The following PRIMPOL variants were observed in gnomAD, a reference collection of about 807,000 sequenced individuals.
The protein encoded by PRIMPOL is primase and DNA directed polymerase, also known as DNA-directed primase/polymerase protein.
PRIMPOL carries 54 observed loss-of-function variants against 63.6 expected under a neutral mutation model. The ratio of observed to expected loss-of-function variants is 0.85; its 90% CI spans 0.68 to 1.07. The LOEUF is 1.07. Among genes scored for constraint, PRIMPOL ranks in the 50% least tolerant of loss-of-function variants. The pLI is 0.00. For missense variants in PRIMPOL, 610 were observed against 648.3 expected, an observed-to-expected ratio of 0.94 and a Z score of 0.64; for synonymous variants, 197 against 220.2, an observed-to-expected ratio of 0.89 and a Z score of 0.93.
At chr4:184,672,122 AT>A (rs1325751601) in intron 6 of PRIMPOL, 50 bp from the exon 7 acceptor site, 1 of 1,456,000 alleles carries the variant, frequency 6.9e-7, no homozygotes, top group Non-Finnish European at 9.4e-7. Context: ...AGACCTTAAG[AT>A]GCGGTGTGTG....
At chr4:184,663,324 C>A (rs1340595282) in intron 5 of PRIMPOL, among the ~76,000 whole-genome samples, 1 of 152,058 alleles carries the variant, frequency 6.6e-6, no homozygotes, top group African/African-American at 2.4e-5. Flanking sequence ...GGATTATAGG[C>A]GCGAGCCATT....
intron 11 of PRIMPOL, among the ~76,000 whole-genome samples, chr4:184,689,071 G>A (rs1022814602): frequency 6.6e-6 from 1 of 151,916 alleles, no homozygotes; most frequent in African/African-American, 2.4e-5. Context: ...TTGAGACAGG[G>A]TCTCGCCCTG....
chr4:184,668,641 A>G (rs1750729514), intron 6 of PRIMPOL, among the ~76,000 whole-genome samples: 1 of 152,124 alleles, frequency 6.6e-6, no homozygotes, highest in South Asian at 2.1e-4. Flanking sequence ...AAGCTATGTG[A>G]GAAGCTGTTT....
chr4:184,675,212 A>C (rs773219264), intron 7 of PRIMPOL, among the ~76,000 whole-genome samples: 2 of 152,202 alleles, frequency 1.3e-5, no homozygotes, highest in Non-Finnish European at 2.9e-5. Flanking sequence ...GGTTAATCTT[A>C]TGCAGTTATG....
rs1465486515 is a variant in PRIMPOL, at chr4:184,691,608, A to T, written c.1378+27A>T. On this transcript the variant is annotated intron_variant, in intron 12 of 13. Coordinates refer to ENST00000314970, the MANE Select transcript of PRIMPOL (RefSeq NM_152683.4). ...TAAGTTACTAATTTTTACATTTACC[A>T]CAAAGTAAAAATTAGATAACTGTAA... 2.5e-6 allele frequency: 4 copies of T among 1,598,154 alleles called. No homozygotes were observed. In the South Asian group the frequency reaches 4.4e-5, roughly 18 times the overall value.
intron 11 of PRIMPOL, among the ~76,000 whole-genome samples, chr4:184,686,173 G>A (rs187749993): frequency 7.4e-4 from 113 of 152,252 alleles, no homozygotes; most frequent in South Asian, 6.2e-4. Flanking sequence ...TGATTATTGC[G>A]TTGCTTCTAG....
chr4:184,667,341 C>T (rs1032903156), intron 6 of PRIMPOL, among the ~76,000 whole-genome samples: 37 of 151,874 alleles, frequency 2.4e-4, no homozygotes, highest in African/African-American at 6.1e-4. Flanking sequence ...GACAGAGTCT[C>T]GCTCTGTCGC....
chr4:184,660,528 A>C (rs1307435835), intron 4 of PRIMPOL, among the ~76,000 whole-genome samples: 1 of 152,206 alleles, frequency 6.6e-6, no homozygotes, highest in Non-Finnish European at 1.5e-5. Flanking sequence ...AAAGGAGAGT[A>C]AATTGTTAGC....
At chr4:184,667,231 G>T (rs899624720) in intron 6 of PRIMPOL, among the ~76,000 whole-genome samples, 5 of 152,116 alleles carry the variant, frequency 3.3e-5, no homozygotes, top group African/African-American at 4.8e-5. Flanking sequence ...TTCCTTCTCA[G>T]TCTCTCTCCC....
At chr4:184,679,909 T>C (rs540865020) in intron 8 of PRIMPOL, among the ~76,000 whole-genome samples, 1 of 152,202 alleles carries the variant, frequency 6.6e-6, no homozygotes, top group African/African-American at 2.4e-5. Flanking sequence ...CATGGAAAGA[T>C]TGTCTTCCAG....
Position 184,665,946 on chromosome 4 carries a change from C to T in PRIMPOL, c.438C>T (p.Tyr146=), listed in dbSNP as rs201667994. Residue 146 remains tyrosine, a synonymous_variant, in exon 6 of 14, where the codon TAC becomes TAT. Coordinates refer to ENST00000314970, the MANE Select transcript of PRIMPOL (RefSeq NM_152683.4). The part of the protein sequence containing the change: ...EYVCKALQEL[Y]GVNCSAEDVL... ...TGTGTAAAGCACTTCAAGAGTTATA[C>T]GGTGTTAATTGCTCAGCTGAAGATG... 5.1e-5 allele frequency: 81 copies of T among 1,603,614 alleles called. No individual in the cohort carries two copies. The highest frequency in any genetic ancestry group is 1.7e-4 in the South Asian group (15 of 89,496).
intron 2 of PRIMPOL, among the ~76,000 whole-genome samples, chr4:184,652,513 G>A (rs1276658766): frequency 6.6e-6 from 1 of 152,060 alleles, no homozygotes; most frequent in Non-Finnish European, 1.5e-5. Flanking sequence ...AAGGCAAAGT[G>A]ACTGAAGTGG....
Position 184,650,431 on chromosome 4 carries a change from G to A in PRIMPOL, c.-138+523G>A, listed in dbSNP as rs150580239. ...TCTTTTATAGTCACAGAGTCCTGTG[G>A]TGAGAACTGGTAATGGAAGAGAGTG... On this transcript the variant is annotated intron_variant, in intron 1 of 13. Transcript: ENST00000314970. Among the ~76,000 whole-genome samples the A allele has an allele frequency of 1.8e-3, 269 of 152,348 alleles. 4 individuals carry two copies. The East Asian group carries it at 0.027, about 15-fold the overall frequency.
Position 184,694,491 on chromosome 4 carries a change from C to T in PRIMPOL, c.1426-31C>T, listed in dbSNP as rs546675802. The T allele has an allele frequency of 6.9e-6, 11 of 1,595,874 alleles. No homozygotes were observed. The African/African-American group carries it at 9.4e-5, about 14-fold the overall frequency. On this transcript the variant is annotated intron_variant, in intron 13 of 13. Coordinates refer to ENST00000314970, the MANE Select transcript of PRIMPOL (RefSeq NM_152683.4). ...ATCCTGAGTAAATATTTTCCTATCC[C>T]ACTCTCTATCCCTTCACCACTGAAA...
At chr4:184,675,020 G>A (rs565289424) in intron 7 of PRIMPOL, among the ~76,000 whole-genome samples, 2 of 152,278 alleles carry the variant, frequency 1.3e-5, no homozygotes, top group Non-Finnish European at 2.9e-5. Flanking sequence ...CACTAAACAC[G>A]ATGAAAAATA....
intron 11 of PRIMPOL, among the ~76,000 whole-genome samples, chr4:184,689,736 G>A (rs553959663): frequency 6.6e-5 from 10 of 151,976 alleles, no homozygotes; most frequent in African/African-American, 2.2e-4. Flanking sequence ...TTACAGGCGC[G>A]AGCCACCATG....
chr4:184,664,069 A>G (rs1749131071), intron 5 of PRIMPOL, among the ~76,000 whole-genome samples: 1 of 152,210 alleles, frequency 6.6e-6, no homozygotes, highest in South Asian at 2.1e-4. Flanking sequence ...ATTTCAGGGC[A>G]ACATTGTCCA....
chr4:184,672,825 C>T (rs1432027717), intron 7 of PRIMPOL, among the ~76,000 whole-genome samples: 1 of 152,150 alleles, frequency 6.6e-6, no homozygotes, highest in Admixed American at 6.5e-5. Flanking sequence ...AAAAGCAGTA[C>T]TCGTGTGGCG....
Position 184,691,521 on chromosome 4 carries a change from GAA to G in PRIMPOL, c.1319_1320del (p.Glu440GlyfsTer8). 6.3e-7 allele frequency: 1 copy of G among 1,585,708 alleles called. No homozygotes were observed. Among genetic ancestry groups the G allele is most frequent in the East Asian group, 2.2e-5 (1 of 44,596 alleles). On this transcript the variant is annotated frameshift_variant, in exon 12 of 14. Coordinates refer to ENST00000314970, the MANE Select transcript of PRIMPOL (RefSeq NM_152683.4). LOFTEE classifies it high-confidence loss of function. ...AAGGATTCTGGTTGATCTGAAAAAT[GAA>G]GTTTGGTATCAAAAATGTCATGACC... Reference protein sequence around the residue: ...NIMILVDLKNEVWYQKCHDPV... With the variant: ...NIMILVDLKNXVWYQKCHDPV...
Sources: allele counts gnomAD v4.1 joint callset (sites outside exome capture counted in the v4.1 genomes callset), GRCh38; gene constraint gnomAD v4.1.1; transcripts MANE v1.5; gene names NCBI Gene and HGNC (gene_info 2026-07-23, HGNC 2026-07-21).